The following EGFLAM variants were observed in gnomAD, a reference collection of about 807,000 sequenced individuals.
EGFLAM encodes pikachurin.
EGFLAM carries 79 observed loss-of-function variants against 113.1 expected under a neutral mutation model. That is an observed-to-expected ratio of 0.70 (90% confidence interval 0.58 to 0.84). EGFLAM has a LOEUF of 0.84. EGFLAM is among the 40% of genes least tolerant of loss of function. The pLI is 0.00. For missense variants in EGFLAM, 1,265 were observed against 1,291.6 expected (o/e 0.98, Z 0.32); for synonymous variants, 504 against 487.6 (o/e 1.03, Z -0.44).
Position 38,425,056 on chromosome 5 carries a change from T to C in EGFLAM, c.1774T>C (p.Cys592Arg), listed in dbSNP as rs1319242416. Reference sequence around the variant, plus strand: ...CAAAGCCGACTCCTACATTTGCCTCTGTCCCCTTGGGTTTAAAGGTCGACA... The same window carrying C: ...CAAAGCCGACTCCTACATTTGCCTCCGTCCCCTTGGGTTTAAAGGTCGACA... ...AIKADSYICL[C>R]PLGFKGRHCE... The change falls in exon 13 of 22, where the codon TGT becomes CGT. Residue 592 changes from cysteine to arginine, a missense_variant. Cys to Arg is a radical substitution (Grantham distance 180). Transcript: ENST00000322350. 1 of 1,614,046 alleles carries C rather than the reference T, an allele frequency of 6.2e-7. No homozygotes were observed. The highest frequency in any genetic ancestry group is 1.7e-5 in the Admixed American group (1 of 60,008).
intron 11 of EGFLAM, among the ~76,000 whole-genome samples, chr5:38,415,919 C>T (rs992362445): frequency 6.6e-6 from 1 of 152,048 alleles, no homozygotes; most frequent in Non-Finnish European, 1.5e-5. Context: ...AACTCACTAC[C>T]ACGAGAACAG....
At chr5:38,426,064 C>T (rs943321554) in intron 13 of EGFLAM, among the ~76,000 whole-genome samples, 5 of 151,080 alleles carry the variant, frequency 3.3e-5, no homozygotes, top group Non-Finnish European at 4.4e-5. Context: ...GATAGCACCA[C>T]TGTACTCCAA....
intron 1 of EGFLAM, among the ~76,000 whole-genome samples, chr5:38,332,787 AG>A (rs1471996942): frequency 6.6e-6 from 1 of 152,260 alleles, no homozygotes; most frequent in Non-Finnish European, 1.5e-5. Flanking sequence ...TTTGTGGTTC[AG>A]GAGTGCCTTT....
rs530053164 is a variant in EGFLAM, at chr5:38,440,713, C to T, written c.2464+2258C>T. 2.0e-5 allele frequency among the ~76,000 whole-genome samples: 3 copies of T among 152,234 alleles called. No homozygotes were observed. In the East Asian group the frequency reaches 5.8e-4, roughly 29 times the overall value. ...GGTTTTTTTCTGCCTCATAATCAAA[C>T]CATGTTTCAAAACAAGAGCCTGTTC... On this transcript the variant is annotated intron_variant, in intron 17 of 21. Transcript: ENST00000322350.
chr5:38,359,510 G>C (rs540955421), intron 5 of EGFLAM, among the ~76,000 whole-genome samples: 1 of 152,176 alleles, frequency 6.6e-6, no homozygotes, highest in Non-Finnish European at 1.5e-5. Context: ...CCCTATCTCT[G>C]CTAAAAATAC....
At chr5:38,448,990 A>G (rs1316543624) in intron 18 of EGFLAM, among the ~76,000 whole-genome samples, 1 of 152,228 alleles carries the variant, frequency 6.6e-6, no homozygotes, top group Non-Finnish European at 1.5e-5. Context: ...CCCTGGTGGC[A>G]GAAGTCCCAG....
At chr5:38,267,718 C>A (rs963242897) in intron 1 of EGFLAM, among the ~76,000 whole-genome samples, 1 of 152,056 alleles carries the variant, frequency 6.6e-6, no homozygotes, top group Non-Finnish European at 1.5e-5. Flanking sequence ...TTGTGCCATG[C>A]CAGTGGTTAG....
intron 1 of EGFLAM, among the ~76,000 whole-genome samples, chr5:38,267,360 A>C (rs1367552692): frequency 6.6e-6 from 1 of 152,196 alleles, no homozygotes; most frequent in East Asian, 1.9e-4. Flanking sequence ...ACTTTTCTGT[A>C]ACATCTGGGC....
intron 11 of EGFLAM, among the ~76,000 whole-genome samples, chr5:38,413,890 G>A (rs1257119890): frequency 1.3e-5 from 2 of 152,208 alleles, no homozygotes; most frequent in Non-Finnish European, 2.9e-5. Context: ...GTCTCAGAAG[G>A]AGCGTGTAAC....
At chr5:38,396,555 G>A (rs374420505) in intron 6 of EGFLAM, among the ~76,000 whole-genome samples, 1 of 152,162 alleles carries the variant, frequency 6.6e-6, no homozygotes, top group Non-Finnish European at 1.5e-5. Context: ...TAACAAATAC[G>A]TATTGGGTGC....
intron 1 of EGFLAM, among the ~76,000 whole-genome samples, chr5:38,289,243 C>T (rs550796464): frequency 3.3e-5 from 5 of 151,884 alleles, no homozygotes; most frequent in Non-Finnish European, 7.4e-5. Context: ...CCTGCTAATT[C>T]TTCTTCCTTG....
chr5:38,338,720 C>G lies in EGFLAM; in HGVS notation c.230C>G (p.Ala77Gly). 1 of 1,614,258 alleles carries G rather than the reference C, an allele frequency of 6.2e-7. No individual in the cohort carries two copies. Among genetic ancestry groups the G allele is most frequent in the Non-Finnish European group, 8.5e-7 (1 of 1,180,036 alleles). The change falls in exon 3 of 22, where the codon GCA (alanine) becomes GGA (glycine). Residue 77 changes from alanine (A) to glycine (G), a missense_variant. Ala to Gly is a moderately conservative substitution (Grantham distance 60). Coordinates refer to ENST00000322350, the MANE Select transcript of EGFLAM (RefSeq NM_152403.4). ...AAGGTCTTTTACTCTGAGGTTGGCG[C>G]AGATAAATCCCTGCAGGAGCAGTTG... Reference protein sequence around the residue: ...GYTVFYSEVGADKSLQEQLHS... With the variant: ...GYTVFYSEVGGDKSLQEQLHS...
chr5:38,264,774 A>C (rs1757591375), intron 1 of EGFLAM, among the ~76,000 whole-genome samples: 1 of 152,162 alleles, frequency 6.6e-6, no homozygotes, highest in Non-Finnish European at 1.5e-5. Flanking sequence ...TTTATCAGGG[A>C]AATCTTTAGC....
chr5:38,457,109 T>C (rs573205583), intron 19 of EGFLAM, among the ~76,000 whole-genome samples: 1 of 152,332 alleles, frequency 6.6e-6, no homozygotes, highest in African/African-American at 2.4e-5. Flanking sequence ...AGAAACCTGA[T>C]AGCAGAGTTA....
chr5:38,262,664 T>G (rs991253989), intron 1 of EGFLAM, among the ~76,000 whole-genome samples: 1 of 152,222 alleles, frequency 6.6e-6, no homozygotes, highest in Non-Finnish European at 1.5e-5. Context: ...GTTTGTTCCT[T>G]TCTTATTGTT....
At chr5:38,434,999 T>G in intron 15 of EGFLAM, 138 bp from the exon 16 acceptor site, 1 of 665,062 alleles carries the variant, frequency 1.5e-6, no homozygotes, top group Non-Finnish European at 2.7e-6. Context: ...GTGAAGCCCT[T>G]GTGTAGACAG....
intron 1 of EGFLAM, among the ~76,000 whole-genome samples, chr5:38,294,956 G>T (rs1758418649): frequency 6.6e-6 from 1 of 152,124 alleles, no homozygotes; most frequent in Non-Finnish European, 1.5e-5. Context: ...CTCCCGAGTA[G>T]CTGGGATTAC....
intron 16 of EGFLAM, among the ~76,000 whole-genome samples, chr5:38,435,657 A>AG (rs1345152639): frequency 6.6e-6 from 1 of 152,088 alleles, no homozygotes; most frequent in African/African-American, 2.4e-5. Context: ...TCAACATTAG[A>AG]GCCAGTGCTC....
intron 3 of EGFLAM, among the ~76,000 whole-genome samples, chr5:38,343,249 CAA>C (rs952020283): frequency 3.3e-5 from 5 of 151,654 alleles, no homozygotes; most frequent in African/African-American, 1.2e-4. Context: ...ACTAAAACTA[CAA>C]AAAAATTAGC....
Sources: gnomAD v4.1 joint callset for allele counts (sites outside exome capture counted in the v4.1 genomes callset) on GRCh38, gnomAD v4.1.1 for gene constraint, MANE v1.5 for transcripts, NCBI Gene and HGNC (gene_info 2026-07-23, HGNC 2026-07-21) for gene names.